The following PTK2B variants were observed in gnomAD, a reference collection of about 807,000 sequenced individuals.
The protein encoded by PTK2B is protein tyrosine kinase 2 beta, also known as protein-tyrosine kinase 2-beta.
In PTK2B, 71 loss-of-function variants were observed where a neutral mutation model predicts 142.9. That is an observed-to-expected ratio of 0.50 (90% CI 0.41 to 0.61). The LOEUF is 0.61. Among genes scored for constraint, PTK2B ranks in the 20% least tolerant of loss-of-function variants. The pLI is 0.00. For synonymous variants in PTK2B, 519 were observed against 503.4 expected, an observed-to-expected ratio of 1.03 and a Z score of -0.42; for missense variants, 1,105 against 1,320.4, an observed-to-expected ratio of 0.84 and a Z score of 2.53.
intron 5 of PTK2B, among the ~76,000 whole-genome samples, chr8:27,424,936 A>G (rs1809985541): frequency 6.6e-6 from 1 of 152,068 alleles, no homozygotes; most frequent in Non-Finnish European, 1.5e-5. Context: ...GAGATATGAG[A>G]TTAGTGAAAT....
intron 2 of PTK2B, among the ~76,000 whole-genome samples, chr8:27,405,229 A>T (rs555140923): frequency 6.6e-6 from 1 of 152,284 alleles, no homozygotes; most frequent in Admixed American, 6.5e-5. Context: ...GATTTGTTAG[A>T]GCAGCTCAAG....
chr8:27,373,639 A>G (rs911807204), intron 1 of PTK2B, among the ~76,000 whole-genome samples: 1 of 152,062 alleles, frequency 6.6e-6, no homozygotes, highest in Non-Finnish European at 1.5e-5. Context: ...CTATGATCAC[A>G]CTACTGCACT....
chr8:27,451,149 C>A (rs954131759), intron 26 of PTK2B, 71 bp downstream of exon 26: 4 of 1,535,822 alleles, frequency 2.6e-6, no homozygotes, highest in African/African-American at 1.4e-5. Flanking sequence ...TAGGACCCCC[C>A]GCCCAACTTG....
intron 3 of PTK2B, among the ~76,000 whole-genome samples, chr8:27,315,798 C>T (rs1381706046): frequency 6.6e-6 from 1 of 152,228 alleles, no homozygotes; most frequent in Non-Finnish European, 1.5e-5. Context: ...AGCTCTACCA[C>T]TACCCAGGGG....
At chr8:27,382,051 A>G (rs901403486) in intron 1 of PTK2B, among the ~76,000 whole-genome samples, 19 of 152,092 alleles carry the variant, frequency 1.2e-4, no homozygotes, top group Non-Finnish European at 2.2e-4. Flanking sequence ...CTGGGTTCCA[A>G]TGATTCTCGT....
At position 27,407,527 on chromosome 8, in the gene PTK2B, G is replaced by A. The variant is rs13272684; in HGVS notation, c.204+9739G>A. On this transcript the variant is annotated intron_variant, in intron 2 of 30. Coordinates refer to ENST00000346049, the MANE Select transcript of PTK2B (RefSeq NM_173176.3). Reference sequence around the variant, plus strand: ...TGGTGCTGGCTCCAGCTCACAAAGGGCCTCAGATCCCTTTCTTCAGGGATT... The same window carrying A: ...TGGTGCTGGCTCCAGCTCACAAAGGACCTCAGATCCCTTTCTTCAGGGATT... 8.9e-4 allele frequency among the ~76,000 whole-genome samples: 135 copies of A among 152,204 alleles called. 1 individual carries two copies. The highest frequency in any genetic ancestry group is 1.3e-3 in the Non-Finnish European group (90 of 68,010).
Position 27,437,736 on chromosome 8 carries a change from G to T in PTK2B, c.1528-29G>T, listed in dbSNP as rs769928672. 1.3e-5 allele frequency: 20 copies of T among 1,587,258 alleles called. No homozygotes were observed. In the South Asian group the frequency reaches 2.2e-4, roughly 17 times the overall value. ...GGCTCCATACTGGGACCAACCAGGG[G>T]TCTTGATGGCACCTCCCCATTCCTG... On this transcript the variant is annotated intron_variant, in intron 17 of 30. Transcript: ENST00000346049.
upstream of PTK2B, chr8:27,310,874 C>T (rs1427668034): frequency 1.2e-6 from 2 of 1,612,672 alleles, no homozygotes; most frequent in East Asian, 4.5e-5. Flanking sequence ...CTGGCAGGAG[C>T]AGCACAGCAG....
Position 27,397,668 on chromosome 8 carries a change from G to C in PTK2B, c.84G>C (p.Val28=). Residue 28 remains valine, a synonymous_variant, in exon 2 of 31, where the codon GTG becomes GTC. Transcript: ENST00000346049. ...AAGGCCCTGCAGAGCCCATGGTGGT[G>C]GTACCAGTAGATGTGGAAAAGGAGG... ...RPEGPAEPMV[V]VPVDVEKEDV... 1 of 1,614,264 alleles carries C rather than the reference G, an allele frequency of 6.2e-7. No homozygotes were observed. The highest frequency in any genetic ancestry group is 8.5e-7 in the Non-Finnish European group (1 of 1,180,046).
At chr8:27,378,313 A>C (rs1163555284) in intron 1 of PTK2B, among the ~76,000 whole-genome samples, 1 of 152,214 alleles carries the variant, frequency 6.6e-6, no homozygotes, top group Non-Finnish European at 1.5e-5. Flanking sequence ...ATCTTGGGCT[A>C]TGGTGAGGGA....
intron 1 of PTK2B, among the ~76,000 whole-genome samples, chr8:27,365,912 G>A (rs765810832): frequency 1.2e-4 from 19 of 152,122 alleles, no homozygotes; most frequent in Non-Finnish European, 2.2e-4. Context: ...TAAGGACTTC[G>A]GACTTAGCCA....
chr8:27,350,708 G>A (rs1288520845), intron 1 of PTK2B, among the ~76,000 whole-genome samples: 1 of 151,876 alleles, frequency 6.6e-6, no homozygotes, highest in East Asian at 1.9e-4. Context: ...GCTGGGCAAG[G>A]TGGCTGATGC....
intron 1 of PTK2B, chr8:27,380,941 G>C (rs375321070): frequency 6.6e-6 from 1 of 152,242 alleles, no homozygotes; most frequent in South Asian, 2.1e-4. Context: ...AGTTATTTAC[G>C]TAGAATGAGT....
rs747996946 is a variant in PTK2B, at chr8:27,437,881, G to A, written c.1643+1G>A. On this transcript the variant is annotated splice_donor_variant, in intron 18 of 30. Transcript: ENST00000346049. LOFTEE classifies it high-confidence loss of function. ...TGGAGAGCATCAACTGCGTGCACAGGTAGGGGTGGAGGGAGTGGCCAGCGG... is the reference window on the plus strand; with the variant it reads ...TGGAGAGCATCAACTGCGTGCACAGATAGGGGTGGAGGGAGTGGCCAGCGG... 6.2e-7 allele frequency: 1 copy of A among 1,608,328 alleles called. No homozygotes were observed. Among genetic ancestry groups the A allele is most frequent in the Non-Finnish European group, 8.5e-7 (1 of 1,177,470 alleles).
chr8:27,360,644 A>G (rs951132699), intron 1 of PTK2B, among the ~76,000 whole-genome samples: 2 of 152,152 alleles, frequency 1.3e-5, no homozygotes, highest in African/African-American at 2.4e-5. Flanking sequence ...GGTGGGTGAG[A>G]GGGCAGGATT....
At chr8:27,310,611 G>A (rs113970324), upstream of PTK2B, among the ~76,000 whole-genome samples, 40 of 152,330 alleles carry the variant, frequency 2.6e-4, no homozygotes, top group African/African-American at 9.4e-4. Context: ...CTCCCAGCAC[G>A]GGCCCCTGGG....
At chr8:27,383,852 A>ATTTTTTTT (rs749255419) in intron 1 of PTK2B, among the ~76,000 whole-genome samples, 5 of 116,604 alleles carry the variant, frequency 4.3e-5, no homozygotes, top group Admixed American at 9.1e-5. Context: ...CACCTGGCTA[A>ATTTTTTTT]TTTTTTTTTT....
intron 1 of PTK2B, among the ~76,000 whole-genome samples, chr8:27,345,423 C>T (rs949399704): frequency 1.1e-4 from 17 of 152,228 alleles, no homozygotes; most frequent in Admixed American, 1.1e-3. Context: ...TGGGGCAGAG[C>T]TGCCCATGTT....
At chr8:27,431,063 C>T in intron 8 of PTK2B, 47 bp downstream of exon 8, 1 of 1,583,450 alleles carries the variant, frequency 6.3e-7, no homozygotes, top group Non-Finnish European at 8.6e-7. Context: ...GATTCCAGGC[C>T]TCTCGGAAAA....
Sources: gnomAD v4.1 joint callset for allele counts (sites outside exome capture counted in the v4.1 genomes callset) on GRCh38, gnomAD v4.1.1 for gene constraint, MANE v1.5 for transcripts, NCBI Gene and HGNC (gene_info 2026-07-23, HGNC 2026-07-21) for gene names.